Variants in CACNA2D1 observed in about 807,000 individuals in gnomAD.
CACNA2D1 encodes the protein voltage-dependent calcium channel subunit alpha-2/delta-1.
Under a neutral mutation model 171.5 loss-of-function variants are expected in CACNA2D1, and 53 were observed. The ratio of observed to expected loss-of-function variants is 0.31; its 90% confidence interval spans 0.25 to 0.39. CACNA2D1 has a LOEUF of 0.39. CACNA2D1 is among the 10% of genes least tolerant of loss of function. The pLI is 1.00. For missense variants in CACNA2D1, 903 were observed against 1,299.8 expected (o/e 0.69, Z 4.69); for synonymous variants, 442 against 443.1 (o/e 1.00, Z 0.03).
intron 3 of CACNA2D1, among the ~76,000 whole-genome samples, chr7:82,185,303 T>C (rs956895031): frequency 6.7e-6 from 1 of 150,250 alleles, no homozygotes; most frequent in African/African-American, 2.5e-5. Context: ...ATTCCACCAC[T>C]TCGCTGCAGC....
intron 3 of CACNA2D1, among the ~76,000 whole-genome samples, chr7:82,174,669 GT>G (rs2129156930): frequency 1.3e-5 from 2 of 151,834 alleles, no homozygotes; most frequent in South Asian, 4.2e-4. Flanking sequence ...TCAATTTTAG[GT>G]TAATAAAAAA....
intron 3 of CACNA2D1, among the ~76,000 whole-genome samples, chr7:82,288,104 T>C (rs1811065988): frequency 6.6e-6 from 1 of 151,518 alleles, no homozygotes; most frequent in Non-Finnish European, 1.5e-5. Context: ...CCTCCCAAAG[T>C]GCTGGGATTA....
chr7:82,233,846 T>C (rs1370296581), intron 3 of CACNA2D1, among the ~76,000 whole-genome samples: 1 of 152,146 alleles, frequency 6.6e-6, no homozygotes, highest in African/African-American at 2.4e-5. Context: ...CAATCTTATA[T>C]AGCTTTTCAC....
At chr7:82,136,594 A>C (rs1333669101) in intron 5 of CACNA2D1, 41 bp downstream of exon 5, 1 of 1,472,972 alleles carries the variant, frequency 6.8e-7, no homozygotes, top group Non-Finnish European at 9.4e-7. Context: ...TCATTTTACT[A>C]TAATTTTCTT....
intron 2 of CACNA2D1, among the ~76,000 whole-genome samples, chr7:82,345,913 C>A (rs1335330967): frequency 6.6e-6 from 1 of 152,084 alleles, no homozygotes; most frequent in Non-Finnish European, 1.5e-5. Flanking sequence ...GAAGACTGCT[C>A]TTGTCCTCCA....
rs1584112547 is a variant in CACNA2D1 at position 81,947,725 on chromosome 7, A to C, written c.*2667T>G. The C allele has an allele frequency of 6.6e-6, 1 of 152,002 alleles. No homozygotes were observed. Among genetic ancestry groups the C allele is most frequent in the South Asian group, 2.1e-4 (1 of 4,828 alleles). 9.4% of individuals were successfully genotyped at this position (152,002 alleles called of 1,614,324 possible). A position where few individuals can be genotyped will look rare whatever the true frequency, so the allele number is the denominator to read the frequency against. ...AATATTAATAACAGGCTATAATTTA[A>C]GTTCTTGTCAATGTAACTCAGAAAA... On this transcript the variant is annotated 3_prime_UTR_variant, in exon 39 of 39. Transcript: ENST00000356860.
intron 10 of CACNA2D1, among the ~76,000 whole-genome samples, chr7:82,040,336 C>T (rs769084688): frequency 4.0e-5 from 6 of 150,518 alleles, no homozygotes; most frequent in Admixed American, 2.7e-4. Context: ...AAGAGAAGCA[C>T]AGAGTTCAAT....
intron 4 of CACNA2D1, among the ~76,000 whole-genome samples, chr7:82,148,311 T>C (rs1793383545): frequency 6.7e-6 from 1 of 149,206 alleles, no homozygotes; most frequent in South Asian, 2.1e-4. Context: ...GTCTAAATGA[T>C]GAGGCATAGT....
At chr7:82,293,842 T>C (rs1306450654) in intron 3 of CACNA2D1, among the ~76,000 whole-genome samples, 1 of 152,222 alleles carries the variant, frequency 6.6e-6, no homozygotes. Flanking sequence ...GGCTCCTGTT[T>C]CTAAAATCTT....
chr7:82,108,857 A>G (rs1788055589), intron 6 of CACNA2D1, among the ~76,000 whole-genome samples: 1 of 152,100 alleles, frequency 6.6e-6, no homozygotes. Flanking sequence ...ATATTCTCTA[A>G]CTCAGGCTTG....
chr7:82,224,894 G>A (rs1354371943), intron 3 of CACNA2D1, among the ~76,000 whole-genome samples: 2 of 151,886 alleles, frequency 1.3e-5, no homozygotes, highest in African/African-American at 4.8e-5. Flanking sequence ...TCATTCATGA[G>A]GCATAAATTT....
intron 3 of CACNA2D1, among the ~76,000 whole-genome samples, chr7:82,302,350 T>C (rs902436648): frequency 2.0e-5 from 3 of 152,148 alleles, no homozygotes; most frequent in Non-Finnish European, 4.4e-5. Context: ...ACGGCCCAAT[T>C]TGATGATGTG....
chr7:82,204,856 G>C (rs1478973971), intron 3 of CACNA2D1, among the ~76,000 whole-genome samples: 3 of 152,156 alleles, frequency 2.0e-5, no homozygotes, highest in Non-Finnish European at 2.9e-5. Flanking sequence ...CTGTGGTCAA[G>C]AATAGGCCAA....
intron 12 of CACNA2D1, chr7:82,028,608 C>T (rs1200419939): frequency 6.6e-6 from 1 of 151,796 alleles, no homozygotes; most frequent in Admixed American, 6.6e-5. Flanking sequence ...TATACCATTA[C>T]AAACATTCGT....
intron 24 of CACNA2D1, among the ~76,000 whole-genome samples, chr7:81,980,172 C>CAAAAAAAAAAAAAAAAAAA (rs35616922): frequency 4.8e-4 from 12 of 25,256 alleles, no homozygotes; most frequent in African/African-American, 9.3e-4. Flanking sequence ...TAAAACCAAG[C>CAAAAAAAAAAAAAAAAAAA]AAAAAAAAAA....
At chr7:82,421,524 C>T (rs1440162816) in intron 1 of CACNA2D1, among the ~76,000 whole-genome samples, 5 of 152,028 alleles carry the variant, frequency 3.3e-5, no homozygotes, top group South Asian at 4.1e-4. Flanking sequence ...ATGGGTGATA[C>T]ATAAAAACAA....
intron 3 of CACNA2D1, among the ~76,000 whole-genome samples, chr7:82,181,447 C>A (rs1797134333): frequency 6.6e-6 from 1 of 152,206 alleles, no homozygotes; most frequent in African/African-American, 2.4e-5. Flanking sequence ...GCAGCATCAC[C>A]TGCATCTTGT....
chr7:82,035,430 C>G (rs1803187158), intron 11 of CACNA2D1, among the ~76,000 whole-genome samples: 1 of 151,348 alleles, frequency 6.6e-6, no homozygotes, highest in African/African-American at 2.4e-5. Flanking sequence ...ATTATTTTAA[C>G]ATAAAGAATT....
At chr7:82,355,691 A>G (rs1024475681) in intron 1 of CACNA2D1, among the ~76,000 whole-genome samples, 3 of 151,842 alleles carry the variant, frequency 2.0e-5, no homozygotes, top group Non-Finnish European at 4.4e-5. Context: ...CTCTTCTTTT[A>G]TATTATTATC....
Sources: allele counts gnomAD v4.1 joint callset (sites outside exome capture counted in the v4.1 genomes callset), GRCh38; gene constraint gnomAD v4.1.1; transcripts MANE v1.5; gene names NCBI Gene and HGNC (gene_info 2026-07-23, HGNC 2026-07-21).